The following ASTN1 variants were observed in gnomAD, a reference collection of about 807,000 sequenced individuals.
ASTN1 encodes the protein astrotactin 1.
Under a neutral mutation model 140.7 loss-of-function variants are expected in ASTN1, and 41 were observed. The observed-to-expected ratio is 0.29, with a 90% CI of 0.23 to 0.38. ASTN1 has a LOEUF of 0.38. Ranked by LOEUF, ASTN1 falls within the 10% of genes least tolerant of loss-of-function variation. ASTN1 has a pLI of 1.00. For synonymous variants in ASTN1, 640 were observed against 652.2 expected, an observed-to-expected ratio of 0.98 and a Z score of 0.29; for missense variants, 1,479 against 1,678.8, an observed-to-expected ratio of 0.88 and a Z score of 2.08.
intron 1 of ASTN1, among the ~76,000 whole-genome samples, chr1:177,078,933 TA>T (rs377097148): frequency 6.6e-6 from 1 of 151,608 alleles, no homozygotes; most frequent in African/African-American, 2.4e-5. Flanking sequence ...TACTGTCATG[TA>T]AAAAAAAATC....
Position 176,861,486 on chromosome 1 carries a change from C to T in ASTN1, c.*2798G>A. The T allele has an allele frequency of 1.0e-6, 1 of 985,880 alleles. No individual in the cohort carries two copies. The highest frequency in any genetic ancestry group is 1.2e-6 in the Non-Finnish European group (1 of 829,960). The allele number at this position is 985,880 out of a possible 1,614,324, so 61.1% of individuals were successfully genotyped here. On this transcript the variant is annotated 3_prime_UTR_variant, in exon 23 of 23. Transcript: ENST00000361833. ...TACCGGTCCAGTACCATCACCCTTT[C>T]TAGCCAGGATGGGTTCCTTCAGGTA...
At chr1:177,097,388 C>T (rs563398111) in intron 1 of ASTN1, among the ~76,000 whole-genome samples, 3 of 152,140 alleles carry the variant, frequency 2.0e-5, no homozygotes, top group Non-Finnish European at 4.4e-5. Flanking sequence ...ACCTGGGTCT[C>T]GGGTTAGAAC....
chr1:177,079,072 C>T (rs777823060), intron 1 of ASTN1, among the ~76,000 whole-genome samples: 1 of 152,152 alleles, frequency 6.6e-6, no homozygotes, highest in Admixed American at 6.5e-5. Context: ...ACTCTTTATG[C>T]TAATTTGTCT....
chr1:177,099,144 T>C (rs1231875776), intron 1 of ASTN1, among the ~76,000 whole-genome samples: 1 of 152,200 alleles, frequency 6.6e-6, no homozygotes. Context: ...TCTCTTATAC[T>C]GCTATAATTA....
At chr1:177,094,709 A>G (rs1679941390) in intron 1 of ASTN1, among the ~76,000 whole-genome samples, 1 of 152,210 alleles carries the variant, frequency 6.6e-6, no homozygotes, top group South Asian at 2.1e-4. Context: ...TGCTGTTGTA[A>G]CAAATACCTA....
At chr1:177,027,828 G>A (rs1213712369) in intron 5 of ASTN1, among the ~76,000 whole-genome samples, 1 of 148,278 alleles carries the variant, frequency 6.7e-6, no homozygotes, top group South Asian at 2.2e-4. Flanking sequence ...GCCTCCCATT[G>A]CTTTCAGGTA....
chr1:176,873,314 G>A (rs1668426662), intron 21 of ASTN1, among the ~76,000 whole-genome samples: 1 of 152,206 alleles, frequency 6.6e-6, no homozygotes, highest in Non-Finnish European at 1.5e-5. Flanking sequence ...AGCCAAGAGG[G>A]TTGATCTCAT....
rs751129996 is a variant in ASTN1 at position 176,934,249 on chromosome 1, C to G, written c.2574G>C (p.Gln858His). ...ACTCCTCAAAGCCGTAGATAGCTTCCTGGATGTAATGGTTGCCGAACTGGT... is the reference window on the plus strand; with the variant it reads ...ACTCCTCAAAGCCGTAGATAGCTTCGTGGATGTAATGGTTGCCGAACTGGT... ...LLDQFGNHYI[Q>H]EAIYGFEESC... Residue 858 changes from glutamine (Q) to histidine (H), a missense_variant, in exon 16 of 23, where the codon CAG becomes CAC. By Grantham distance (24) the Gln-to-His change is conservative. Transcript: ENST00000361833. The G allele has an allele frequency of 6.2e-7, 1 of 1,614,046 alleles. No individual in the cohort carries two copies. The highest frequency in any genetic ancestry group is 1.1e-5 in the South Asian group (1 of 91,072).
At chr1:177,027,641 T>C (rs940181730) in intron 5 of ASTN1, among the ~76,000 whole-genome samples, 5 of 151,512 alleles carry the variant, frequency 3.3e-5, no homozygotes, top group Admixed American at 3.3e-4. Context: ...TTCAAGGCTT[T>C]TTATGTGCCA....
At chr1:177,109,457 G>C (rs1255815737) in intron 1 of ASTN1, among the ~76,000 whole-genome samples, 1 of 151,946 alleles carries the variant, frequency 6.6e-6, no homozygotes, top group African/African-American at 2.4e-5. Context: ...GAGAGAGAGG[G>C]AGAGAGACTC....
chr1:176,862,148 A>G lies in ASTN1; in HGVS notation c.*2136T>C, dbSNP rs1285836516. On this transcript the variant is annotated 3_prime_UTR_variant, in exon 23 of 23. Transcript: ENST00000361833. ...TGGTGAAATATTTGCCCCTTGAGGC[A>G]CTTTAACTGAGGCTCCAGCATTTGC... 6.1e-6 allele frequency: 6 copies of G among 985,342 alleles called. No homozygotes were observed. In the African/African-American group the frequency reaches 8.7e-5, roughly 14 times the overall value. The allele number at this position is 985,342 out of a possible 1,614,324, so 61.0% of individuals were successfully genotyped here.
chr1:177,041,675 A>T (rs541612785), intron 2 of ASTN1, among the ~76,000 whole-genome samples: 1 of 152,386 alleles, frequency 6.6e-6, no homozygotes, highest in East Asian at 1.9e-4. Context: ...AATCTACTCC[A>T]TTAGGATCAA....
At chr1:176,997,115 T>C (rs1674491951) in intron 8 of ASTN1, among the ~76,000 whole-genome samples, 1 of 152,162 alleles carries the variant, frequency 6.6e-6, no homozygotes, top group African/African-American at 2.4e-5. Context: ...ATTTCTTGAT[T>C]CTTACAGAAA....
At position 177,003,355 on chromosome 1, in the gene ASTN1, G is replaced by A. The variant is rs191455683; in HGVS notation, c.1523+11436C>T. Among the ~76,000 whole-genome samples, 5 of 151,182 alleles carry A rather than the reference G, an allele frequency of 3.3e-5. No homozygotes were observed. In the East Asian group the frequency reaches 9.7e-4, roughly 29 times the overall value. The stretch of plus-strand genomic sequence containing the variant: ...GTTCAACATATGCAAGTCAATAAAT[G>A]TGATTCATCCCACAAACTGCATTTA... On this transcript the variant is annotated intron_variant, in intron 8 of 22. Transcript: ENST00000361833.
At position 176,861,909 on chromosome 1, in the gene ASTN1, G is replaced by A. The variant is rs1667980190; in HGVS notation, c.*2375C>T. On this transcript the variant is annotated 3_prime_UTR_variant, in exon 23 of 23. Transcript: ENST00000361833. ...AAAAACAGAAGGAGAGGGTACAGAGGAGTGACTCTGATACCTGCTTCACCC... is the reference window on the plus strand; with the variant it reads ...AAAAACAGAAGGAGAGGGTACAGAGAAGTGACTCTGATACCTGCTTCACCC... 1.0e-5 allele frequency: 10 copies of A among 985,358 alleles called. No homozygotes were observed. The highest frequency in any genetic ancestry group is 1.2e-5 in the Non-Finnish European group (10 of 829,940). The allele number at this position is 985,358 out of a possible 1,614,324, so 61.0% of individuals were successfully genotyped here. A position where few individuals can be genotyped will look rare whatever the true frequency, so the allele number is the denominator to read the frequency against.
At chr1:177,076,386 C>A (rs1415246089) in intron 1 of ASTN1, among the ~76,000 whole-genome samples, 1 of 151,908 alleles carries the variant, frequency 6.6e-6, no homozygotes, top group African/African-American at 2.4e-5. Context: ...AGAAAACCTA[C>A]CCTGCCTTGT....
intron 1 of ASTN1, among the ~76,000 whole-genome samples, chr1:177,122,309 C>T (rs922249197): frequency 1.3e-5 from 2 of 152,140 alleles, no homozygotes; most frequent in African/African-American, 4.8e-5. Flanking sequence ...CTTCAAGAGG[C>T]AGAGCACGAT....
At chr1:176,887,402 T>G (rs1454017366) in intron 18 of ASTN1, among the ~76,000 whole-genome samples, 2 of 152,184 alleles carry the variant, frequency 1.3e-5, no homozygotes, top group African/African-American at 4.8e-5. Context: ...TCAGAAGTCT[T>G]AAGTTCACTT....
chr1:176,948,653 G>A (rs971845765), intron 12 of ASTN1, among the ~76,000 whole-genome samples: 1 of 152,120 alleles, frequency 6.6e-6, no homozygotes, highest in Non-Finnish European at 1.5e-5. Context: ...GAGCCTGCCT[G>A]CAAGAAAGGG....
Sources: gnomAD v4.1 joint callset for allele counts (sites outside exome capture counted in the v4.1 genomes callset) on GRCh38, gnomAD v4.1.1 for gene constraint, MANE v1.5 for transcripts, NCBI Gene and HGNC (gene_info 2026-07-23, HGNC 2026-07-21) for gene names.